FBLIM1: variants seen among roughly 807,000 people sequenced by gnomAD.
The protein encoded by FBLIM1 is filamin-binding LIM protein 1.
A neutral mutation model predicts 37.4 loss-of-function variants in FBLIM1; 29 were observed. That is an observed-to-expected ratio of 0.77 (90% CI 0.58 to 1.06). The LOEUF is 1.06. FBLIM1 is among the 50% of genes least tolerant of loss of function. The pLI is 0.00. For missense variants in FBLIM1, 449 were observed against 505.6 expected (o/e 0.89, Z 1.07); for synonymous variants, 193 against 199.0 (o/e 0.97, Z 0.25).
At position 15,784,667 on chromosome 1, in the gene FBLIM1, C is replaced by T; in HGVS notation, c.*6C>T. The T allele has an allele frequency of 6.2e-7, 1 of 1,613,076 alleles. No individual in the cohort carries two copies. The highest frequency in any genetic ancestry group is 2.2e-5 in the East Asian group (1 of 44,886). On this transcript the variant is annotated 3_prime_UTR_variant, in exon 9 of 9. Transcript: ENST00000375766. ...GTGCTGCGGGGTGCTGCTGAGAGTG[C>T]CCGCTGGGCAGTGAACAGACCACTA...
At position 15,765,077 on chromosome 1, in the gene FBLIM1, C is replaced by G; in HGVS notation, c.94C>G (p.Gln32Glu). ...RDVAVAEEVR[Q>E]AVCEARRGRP... ...TGTGGCCGTGGCGGAGGAAGTGAGG[C>G]AGGCAGTTTGTGAGGCCCGGCGTGG... The change falls in exon 3 of 9, where the codon CAG becomes GAG. Residue 32 changes from glutamine (Q) to glutamate (E), a missense_variant. Physicochemically the swap from Gln to Glu is conservative, Grantham distance 29 (BLOSUM62 2). Transcript: ENST00000375766. The surrounding 1 kb of genome is among the most constrained non-coding windows in gnomAD (Gnocchi z 5.9). 2 of 1,614,060 alleles carry G rather than the reference C, an allele frequency of 1.2e-6. No individual in the cohort carries two copies. Among genetic ancestry groups the G allele is most frequent in the Admixed American group, 3.3e-5 (2 of 60,016 alleles).
In FBLIM1 at chr1:15,786,522, T is replaced by C. The variant is rs965951193; in HGVS notation, c.*1861T>C. ...CGTGCTGAGCCGTGTATCCATGCAGTCATGTTCACGTGCTAGTTACGTTTT... is the reference window on the plus strand; with the variant it reads ...CGTGCTGAGCCGTGTATCCATGCAGCCATGTTCACGTGCTAGTTACGTTTT... On this transcript the variant is annotated 3_prime_UTR_variant, in exon 9 of 9. Coordinates refer to ENST00000375766, the MANE Select transcript of FBLIM1 (RefSeq NM_017556.4). 5 of 152,278 alleles carry C rather than the reference T, an allele frequency of 3.3e-5. No individual in the cohort carries two copies. The highest frequency in any genetic ancestry group is 1.2e-4 in the African/African-American group (5 of 41,466). 9.4% of individuals were successfully genotyped at this position (152,278 alleles called of 1,614,324 possible).
intron 3 of FBLIM1, 113 bp from the exon 4 acceptor site, chr1:15,767,263 G>C (rs1479735730): frequency 3.3e-6 from 3 of 910,876 alleles, no homozygotes; most frequent in Non-Finnish European, 4.9e-6. Flanking sequence ...CCCAGGCCGG[G>C]GTGATCCCGA....
Position 15,785,831 on chromosome 1 carries a change from G to A in FBLIM1, c.*1170G>A, listed in dbSNP as rs41268339. 0.11 allele frequency: 17,376 copies of A among 152,388 alleles called. 1,308 individuals carry two copies. Among genetic ancestry groups the A allele is most frequent in the Non-Finnish European group, 0.16 (10,911 of 68,084 alleles). The allele number at this position is 152,388 out of a possible 1,614,324, so 9.4% of individuals were successfully genotyped here. ...AAGTGGGGCCAGGGCCCAGACCCAA[G>A]AGGAGAGGGTGGTCCGCAGACACCC... On this transcript the variant is annotated 3_prime_UTR_variant, in exon 9 of 9. Coordinates refer to ENST00000375766, the MANE Select transcript of FBLIM1 (RefSeq NM_017556.4).
chr1:15,786,456 C>G lies in FBLIM1; in HGVS notation c.*1795C>G, dbSNP rs2069768734. The G allele has an allele frequency of 6.6e-6, 1 of 152,248 alleles. No homozygotes were observed. The highest frequency in any genetic ancestry group is 6.5e-5 in the Admixed American group (1 of 15,282). The allele number at this position is 152,248 out of a possible 1,614,324, so 9.4% of individuals were successfully genotyped here. On this transcript the variant is annotated 3_prime_UTR_variant, in exon 9 of 9. Transcript: ENST00000375766. Reference sequence around the variant, plus strand: ...TCCTGTTCTGTTATTTCACTTAAATCAACATGCTATTTTGTTTTCACTCAC... The same window carrying G: ...TCCTGTTCTGTTATTTCACTTAAATGAACATGCTATTTTGTTTTCACTCAC...
At chr1:15,759,588 G>T (rs1362018812) in intron 1 of FBLIM1, among the ~76,000 whole-genome samples, 2 of 152,196 alleles carry the variant, frequency 1.3e-5, no homozygotes, top group Non-Finnish European at 2.9e-5. Context: ...CCTCTCAGCT[G>T]CTGCCTAACC....
At chr1:15,777,980 G>C (rs1246876799) in intron 8 of FBLIM1, among the ~76,000 whole-genome samples, 3 of 152,156 alleles carry the variant, frequency 2.0e-5, no homozygotes, top group Non-Finnish European at 4.4e-5. Context: ...GGCATAGGTG[G>C]CCCAGGTTTG....
In FBLIM1 at chr1:15,768,592, C is replaced by G; in HGVS notation, c.503C>G (p.Pro168Arg). Reference sequence around the variant, plus strand: ...AGGCCCATGGAGGAAGAGCTGCCACCTCCCCCGGCAGAACCTGTTGAGAAA... The same window carrying G: ...AGGCCCATGGAGGAAGAGCTGCCACGTCCCCCGGCAGAACCTGTTGAGAAA... Reference protein sequence around the residue: ...PLRPMEEELPPPPAEPVEKGA... With the variant: ...PLRPMEEELPRPPAEPVEKGA... The change falls in exon 5 of 9, where the codon CCT becomes CGT. Residue 168 changes from proline (P) to arginine (R), a missense_variant. Transcript: ENST00000375766. The G allele has an allele frequency of 6.2e-7, 1 of 1,612,300 alleles. No homozygotes were observed.
intron 8 of FBLIM1, among the ~76,000 whole-genome samples, chr1:15,780,445 C>T (rs762122382): frequency 4.0e-4 from 61 of 151,484 alleles, no homozygotes; most frequent in Non-Finnish European, 6.3e-4. Context: ...AGTGATCTGC[C>T]CGCCTTGGCC....
At chr1:15,758,767 C>A (rs1487566164), upstream of FBLIM1, 1 of 131,404 alleles carries the variant, frequency 7.6e-6, no homozygotes, top group South Asian at 2.7e-4. The surrounding 1 kb of genome is among the most constrained non-coding windows in gnomAD (Gnocchi z 6.2). Flanking sequence ...GGCGGACGGG[C>A]GGAGGGGACG....
chr1:15,772,383 G>T (rs1031651398), intron 6 of FBLIM1, among the ~76,000 whole-genome samples: 2 of 152,140 alleles, frequency 1.3e-5, no homozygotes, highest in Admixed American at 1.3e-4. Context: ...GGGAGGAGGG[G>T]TGTCCAGCTG....
rs2148539153 is a variant in FBLIM1, at chr1:15,768,520, C to A, written c.439-8C>A. 6.5e-7 allele frequency: 1 copy of A among 1,547,698 alleles called. No individual in the cohort carries two copies. The highest frequency in any genetic ancestry group is 1.4e-5 in the African/African-American group (1 of 72,318). On this transcript the variant is annotated splice_region_variant and splice_polypyrimidine_tract_variant and intron_variant, in intron 4 of 8. Coordinates refer to ENST00000375766, the MANE Select transcript of FBLIM1 (RefSeq NM_017556.4). ...CCACTGGATGACTCCCCGTCTGCAT[C>A]CCCACAGGCCCCAGCGGAGGGACCT...
chr1:15,765,856 T>C lies in FBLIM1; in HGVS notation c.250+623T>C, dbSNP rs2068889448. Among the ~76,000 whole-genome samples, 1 of 152,188 alleles carries C rather than the reference T, an allele frequency of 6.6e-6. No homozygotes were observed. Among genetic ancestry groups the C allele is most frequent in the African/African-American group, 2.4e-5 (1 of 41,452 alleles). On this transcript the variant is annotated intron_variant, in intron 3 of 8. Transcript: ENST00000375766. This position sits in a 1 kb window ranked among gnomAD's most constrained non-coding sequence, Gnocchi z 5.9. ...CTCTTGAATTCCTGCCCGCCCATCATAGCCTATGGGCCCTGCACCGGGAGG... is the reference window on the plus strand; with the variant it reads ...CTCTTGAATTCCTGCCCGCCCATCACAGCCTATGGGCCCTGCACCGGGAGG...
chr1:15,774,923 A>G, intron 7 of FBLIM1, 127 bp downstream of exon 7: 2 of 1,574,178 alleles, frequency 1.3e-6, no homozygotes, highest in Non-Finnish European at 1.7e-6. Flanking sequence ...ATTATAAAGA[A>G]TATTACAGGG....
At chr1:15,771,899 G>T (rs2069234258) in intron 6 of FBLIM1, among the ~76,000 whole-genome samples, 1 of 151,556 alleles carries the variant, frequency 6.6e-6, no homozygotes, top group African/African-American at 2.4e-5. Context: ...CATCAGTCTT[G>T]CCACTATCTC....
In FBLIM1 at chr1:15,767,580, G is replaced by A. The variant is rs373052387; in HGVS notation, c.438+17G>A. On this transcript the variant is annotated intron_variant, in intron 4 of 8. Coordinates refer to ENST00000375766, the MANE Select transcript of FBLIM1 (RefSeq NM_017556.4). ...CCACCACAGGTACTGCCTGCCCCCCGACCCCCAGCAATCCCTTGGTCCCCT... is the reference window on the plus strand; with the variant it reads ...CCACCACAGGTACTGCCTGCCCCCCAACCCCCAGCAATCCCTTGGTCCCCT... The A allele has an allele frequency of 1.8e-3, 1,155 of 647,958 alleles. 13 individuals are homozygous for A. In the African/African-American group the frequency reaches 0.027, roughly 15 times the overall value. The allele number at this position is 647,958 out of a possible 1,614,324, so 40.1% of individuals were successfully genotyped here.
At chr1:15,782,949 C>T (rs2069680375) in intron 8 of FBLIM1, among the ~76,000 whole-genome samples, 1 of 152,026 alleles carries the variant, frequency 6.6e-6, no homozygotes, top group Non-Finnish European at 1.5e-5. Flanking sequence ...GCACCCACCA[C>T]CACGCCCGGC....
At chr1:15,759,584 A>G (rs2068568590) in intron 1 of FBLIM1, among the ~76,000 whole-genome samples, 1 of 152,122 alleles carries the variant, frequency 6.6e-6, no homozygotes, top group Non-Finnish European at 1.5e-5. Flanking sequence ...TCTCCCTCTC[A>G]GCTGCTGCCT....
chr1:15,764,711 G>C (rs1428273008), intron 2 of FBLIM1, 26 bp downstream of exon 2: 1 of 513,414 alleles, frequency 1.9e-6, no homozygotes, highest in African/African-American at 1.9e-5. Context: ...TGCTCCCCTA[G>C]GTGTGCAGGT....
Sources: gnomAD v4.1 joint callset for allele counts (sites outside exome capture counted in the v4.1 genomes callset) on GRCh38, gnomAD v4.1.1 for gene constraint, Gnocchi (gnomAD v3.1) non-coding constraint, MANE v1.5 for transcripts, NCBI Gene and HGNC (gene_info 2026-07-23, HGNC 2026-07-21) for gene names.